MTUS2: variants seen among roughly 807,000 people sequenced by gnomAD.
MTUS2 encodes microtubule associated scaffold protein 2.
MTUS2 carries 40 observed loss-of-function variants against 114.1 expected under a neutral mutation model. That is an observed-to-expected ratio of 0.35 (90% confidence interval 0.27 to 0.46). MTUS2 has a LOEUF of 0.46. Among genes scored for constraint, MTUS2 ranks in the 20% least tolerant of loss-of-function variants. The probability of loss-of-function intolerance (pLI) is 1.00; values close to 1 mark genes in which losing one functional copy is unlikely to be tolerated. For missense variants in MTUS2, 1,679 were observed against 1,705.4 expected (o/e 0.98, Z 0.27); for synonymous variants, 688 against 672.0 (o/e 1.02, Z -0.37).
intron 5 of MTUS2, among the ~76,000 whole-genome samples, chr13:29,147,892 A>G (rs538091880): frequency 5.1e-4 from 77 of 152,296 alleles, no homozygotes; most frequent in African/African-American, 1.7e-3. Flanking sequence ...TAGTGCTGCT[A>G]TGAACATATG....
At chr13:29,086,127 G>A (rs1021898000) in intron 4 of MTUS2, among the ~76,000 whole-genome samples, 2 of 152,086 alleles carry the variant, frequency 1.3e-5, no homozygotes, top group African/African-American at 2.4e-5. Flanking sequence ...TTTGAAATGA[G>A]GTTTGTTTCT....
At chr13:29,191,273 CATTCCAT>C (rs2139194941) in intron 5 of MTUS2, among the ~76,000 whole-genome samples, 1 of 152,190 alleles carries the variant, frequency 6.6e-6, no homozygotes, top group South Asian at 2.1e-4. Flanking sequence ...GTGGCTTCAA[CATTCCAT>C]CACTGGCACT....
intron 8 of MTUS2, among the ~76,000 whole-genome samples, chr13:29,424,697 G>C (rs1165240919): frequency 6.6e-6 from 1 of 152,188 alleles, no homozygotes; most frequent in East Asian, 1.9e-4. Context: ...ACCCAGATTT[G>C]AGAGCTAAAT....
intron 13 of MTUS2, 37 bp downstream of exon 13, chr13:29,497,373 A>G (rs1445827884): frequency 6.4e-7 from 1 of 1,571,682 alleles, no homozygotes; most frequent in East Asian, 2.3e-5. Context: ...CCCCGCAGGA[A>G]CCCCGCCCCA....
intron 8 of MTUS2, among the ~76,000 whole-genome samples, chr13:29,431,782 A>G (rs770345764): frequency 9.9e-5 from 15 of 152,176 alleles, no homozygotes; most frequent in Non-Finnish European, 1.9e-4. Flanking sequence ...TATGGTGCAT[A>G]GGGAGTGTGG....
rs1347453641 is a variant in MTUS2 at position 29,260,032 on chromosome 13, C to CA, written c.2645-21671dup. Among the ~76,000 whole-genome samples the CA allele has an allele frequency of 1.4e-4, 22 of 152,356 alleles. No homozygotes were observed. The South Asian group carries it at 1.5e-3, about 10-fold the overall frequency. Reference sequence around the variant, plus strand: ...CACACTCTGCTTTCATCAAAGCCAACAGCCGGAGCAAAGAAAAGAATTCAC... The same window carrying CA: ...CACACTCTGCTTTCATCAAAGCCAACAAGCCGGAGCAAAGAAAAGAATTCAC... On this transcript the variant is annotated intron_variant, in intron 5 of 15. Coordinates refer to ENST00000612955, the MANE Select transcript of MTUS2 (RefSeq NM_001033602.4).
At chr13:29,397,321 C>T (rs774095108) in intron 8 of MTUS2, among the ~76,000 whole-genome samples, 13 of 152,202 alleles carry the variant, frequency 8.5e-5, no homozygotes, top group Non-Finnish European at 1.6e-4. Context: ...TCATCCCTTC[C>T]TCCTGCAGTC....
intron 5 of MTUS2, among the ~76,000 whole-genome samples, chr13:29,142,516 C>T (rs920202191): frequency 6.6e-6 from 1 of 152,050 alleles, no homozygotes; most frequent in Non-Finnish European, 1.5e-5. Context: ...CCAACCTGGC[C>T]AACATGGTGA....
At chr13:29,126,899 G>A (rs1267642615) in intron 5 of MTUS2, among the ~76,000 whole-genome samples, 1 of 152,194 alleles carries the variant, frequency 6.6e-6, no homozygotes, top group Non-Finnish European at 1.5e-5. Context: ...ATCACAGGGC[G>A]ATTGTGAGGA....
At chr13:29,313,161 A>G (rs1217799721) in intron 6 of MTUS2, among the ~76,000 whole-genome samples, 1 of 152,126 alleles carries the variant, frequency 6.6e-6, no homozygotes, top group African/African-American at 2.4e-5. Context: ...GGAGTGAAGG[A>G]TGTGTTGGAG....
chr13:29,019,402 A>G (rs1405284865), intron 2 of MTUS2, among the ~76,000 whole-genome samples: 1 of 152,208 alleles, frequency 6.6e-6, no homozygotes, highest in Non-Finnish European at 1.5e-5. Flanking sequence ...ATGAATGATA[A>G]TGTAGAAGGA....
At chr13:29,261,287 T>TAAA (rs1029649661) in intron 5 of MTUS2, among the ~76,000 whole-genome samples, 2 of 152,220 alleles carry the variant, frequency 1.3e-5, no homozygotes, top group East Asian at 3.8e-4. Context: ...GGATTCTTTT[T>TAAA]AAGAGTGCAA....
intron 2 of MTUS2, among the ~76,000 whole-genome samples, chr13:28,953,474 A>T (rs2146141): frequency 0.91 from 138,782 of 152,218 alleles, 63,637 homozygotes; most frequent in South Asian, 0.99. Flanking sequence ...AGGCCATTGC[A>T]CTCCAGCCTG....
intron 5 of MTUS2, among the ~76,000 whole-genome samples, chr13:29,107,506 T>C (rs1171370154): frequency 1.3e-5 from 2 of 152,236 alleles, no homozygotes; most frequent in African/African-American, 4.8e-5. Context: ...CTCATAATTA[T>C]GGCTCTCACA....
At chr13:29,479,276 G>C (rs564908624) in intron 9 of MTUS2, among the ~76,000 whole-genome samples, 9 of 152,318 alleles carry the variant, frequency 5.9e-5, no homozygotes, top group South Asian at 4.1e-4. Context: ...TGTGGAATCG[G>C]TTCCATTTGA....
chr13:29,196,925 C>G (rs9508311), intron 5 of MTUS2, among the ~76,000 whole-genome samples: 86,068 of 152,020 alleles, frequency 0.57, 24,551 homozygotes, highest in Admixed American at 0.57. Flanking sequence ...CTACAAATAT[C>G]TGTTTCAGTT....
At chr13:29,268,020 T>C (rs557006261) in intron 5 of MTUS2, among the ~76,000 whole-genome samples, 2 of 152,218 alleles carry the variant, frequency 1.3e-5, no homozygotes, top group South Asian at 4.2e-4. Context: ...TAATATACTT[T>C]AGGTTCTGGG....
intron 4 of MTUS2, among the ~76,000 whole-genome samples, chr13:29,049,694 G>A (rs9550435): frequency 0.33 from 49,696 of 152,160 alleles, 8,716 homozygotes; most frequent in East Asian, 0.63. Flanking sequence ...CCTGCAGGCC[G>A]GGACTGGGAA....
At chr13:29,080,053 G>A (rs9551599) in intron 4 of MTUS2, among the ~76,000 whole-genome samples, 55,613 of 151,964 alleles carry the variant, frequency 0.37, 10,864 homozygotes, top group East Asian at 0.63. Flanking sequence ...AATTATTTAT[G>A]TATTCTTAAA....
Sources: allele counts gnomAD v4.1 joint callset (sites outside exome capture counted in the v4.1 genomes callset), GRCh38; gene constraint gnomAD v4.1.1; transcripts MANE v1.5; gene names NCBI Gene and HGNC (gene_info 2026-07-23, HGNC 2026-07-21).